Variants in JCAD observed in about 807,000 individuals in gnomAD.
JCAD encodes the protein junctional cadherin 5 associated, also known as junctional cadherin 5-associated protein.
Under a neutral mutation model 98.0 loss-of-function variants are expected in JCAD, and 40 were observed. The observed-to-expected ratio is 0.41, with a 90% CI of 0.32 to 0.53. The LOEUF is 0.53. Ranked by LOEUF, JCAD falls within the 20% of genes least tolerant of loss-of-function variation. JCAD has a pLI of 0.31. For synonymous variants in JCAD, 691 were observed against 682.3 expected, an observed-to-expected ratio of 1.01 and a Z score of -0.20; for missense variants, 1,705 against 1,738.1, an observed-to-expected ratio of 0.98 and a Z score of 0.34.
At chr10:30,107,290 G>A (rs187917325) in intron 1 of JCAD, among the ~76,000 whole-genome samples, 66 of 152,298 alleles carry the variant, frequency 4.3e-4, no homozygotes, top group Middle Eastern at 3.4e-3. Context: ...AACAGCATGA[G>A]GTAAAGAAGC....
At chr10:30,092,591 G>A (rs555689875) in intron 1 of JCAD, among the ~76,000 whole-genome samples, 33 of 152,252 alleles carry the variant, frequency 2.2e-4, no homozygotes, top group African/African-American at 7.7e-4. Flanking sequence ...CAGCCCACAC[G>A]ATGAGTCGCT....
chr10:30,023,970 C>G (rs1432639652), intron 3 of JCAD, among the ~76,000 whole-genome samples: 2 of 152,072 alleles, frequency 1.3e-5, no homozygotes, highest in Non-Finnish European at 2.9e-5. Flanking sequence ...TCAAGACCAA[C>G]CTGAGCAGTG....
Position 30,026,731 on chromosome 10 carries a change from C to T in JCAD, c.3417G>A (p.Arg1139=). 6.2e-7 allele frequency: 1 copy of T among 1,614,138 alleles called. No homozygotes were observed. The highest frequency in any genetic ancestry group is 1.1e-5 in the South Asian group (1 of 91,080). ...LSRPAPADVP[R]VSTDAFYGRR... ...TGCCATAAAAGGCATCAGTGGACAC[C>T]CTGGGGACATCTGCCGGTGCTGGGC... The change falls in exon 3 of 4, where the codon AGG becomes AGA. Residue 1139 remains arginine (R), a synonymous_variant. Transcript: ENST00000375377.
At chr10:30,024,849 C>T (rs1257340531) in intron 3 of JCAD, among the ~76,000 whole-genome samples, 1 of 151,972 alleles carries the variant, frequency 6.6e-6, no homozygotes, top group East Asian at 1.9e-4. Flanking sequence ...GCGCCCGCCG[C>T]CACGCCCAGC....
chr10:30,103,659 G>T (rs182587984), intron 1 of JCAD, among the ~76,000 whole-genome samples: 6 of 151,030 alleles, frequency 4.0e-5, no homozygotes, highest in Admixed American at 3.3e-4. Context: ...CAGTTCTTTT[G>T]ATCCCAAATA....
At chr10:30,103,623 CA>C (rs1588656726) in intron 1 of JCAD, among the ~76,000 whole-genome samples, 1 of 151,600 alleles carries the variant, frequency 6.6e-6, no homozygotes, top group Non-Finnish European at 1.5e-5. Flanking sequence ...TACACACACA[CA>C]CACACACCCA....
intron 1 of JCAD, 141 bp from the exon 2 acceptor site, chr10:30,048,012 G>C (rs1178481802): frequency 1.9e-6 from 1 of 536,458 alleles, no homozygotes; most frequent in Non-Finnish European, 3.3e-6. Context: ...AGGGGACACA[G>C]GGATGGCTCT....
intron 3 of JCAD, among the ~76,000 whole-genome samples, chr10:30,019,069 T>C (rs1309487362): frequency 6.6e-6 from 1 of 152,064 alleles, no homozygotes; most frequent in Non-Finnish European, 1.5e-5. Context: ...ATAAAGAAAT[T>C]ATATAGCCGG....
intron 1 of JCAD, among the ~76,000 whole-genome samples, chr10:30,107,287 T>C (rs1489497866): frequency 1.3e-5 from 2 of 152,092 alleles, no homozygotes; most frequent in Non-Finnish European, 2.9e-5. Context: ...TAAAACAGCA[T>C]GAGGTAAAGA....
At chr10:30,045,346 T>C (rs1837312714) in intron 2 of JCAD, among the ~76,000 whole-genome samples, 1 of 152,158 alleles carries the variant, frequency 6.6e-6, no homozygotes, top group Admixed American at 6.5e-5. Flanking sequence ...GCCCTGTCTT[T>C]ACTTCATTAG....
At chr10:30,084,055 G>A (rs569857390) in intron 1 of JCAD, among the ~76,000 whole-genome samples, 63 of 147,610 alleles carry the variant, frequency 4.3e-4, no homozygotes, top group African/African-American at 1.2e-3. Context: ...GGGAGAAATA[G>A]AAAGAAAAAG....
chr10:30,102,328 T>C (rs949379109), intron 1 of JCAD, among the ~76,000 whole-genome samples: 4 of 152,008 alleles, frequency 2.6e-5, no homozygotes, highest in Non-Finnish European at 4.4e-5. Context: ...CTTACCACCA[T>C]GTCCGGCTAA....
At position 30,017,760 on chromosome 10, in the gene JCAD, C is replaced by T. The variant is rs1277081906; in HGVS notation, c.*123G>A. The T allele has an allele frequency of 2.4e-6, 2 of 841,748 alleles. No individual in the cohort carries two copies. Among genetic ancestry groups the T allele is most frequent in the African/African-American group, 3.4e-5 (2 of 59,460 alleles). The allele number at this position is 841,748 out of a possible 1,614,324, so 52.1% of individuals were successfully genotyped here. A position where few individuals can be genotyped will look rare whatever the true frequency, so the allele number is the denominator to read the frequency against. The stretch of plus-strand genomic sequence containing the variant: ...TAGTGGCAGTGGTAAAGAATGTTAT[C>T]AGGATGCTAAAAACTCAGCAGCTTC... On this transcript the variant is annotated 3_prime_UTR_variant, in exon 4 of 4. Transcript: ENST00000375377.
chr10:30,081,404 G>A (rs1838082247), intron 1 of JCAD, among the ~76,000 whole-genome samples: 1 of 152,150 alleles, frequency 6.6e-6, no homozygotes, highest in African/African-American at 2.4e-5. Context: ...GGTAAGTGAA[G>A]GCGTAGAGCT....
chr10:30,073,283 G>A (rs1486708549), intron 1 of JCAD, among the ~76,000 whole-genome samples: 1 of 152,172 alleles, frequency 6.6e-6, no homozygotes, highest in Non-Finnish European at 1.5e-5. Context: ...CTTCTAAAAT[G>A]TCATATGATA....
chr10:30,015,477 T>C lies in JCAD; in HGVS notation c.*2406A>G, dbSNP rs1836514477. 6.6e-6 allele frequency: 1 copy of C among 152,230 alleles called. No homozygotes were observed. Among genetic ancestry groups the C allele is most frequent in the African/African-American group, 2.4e-5 (1 of 41,468 alleles). The allele number at this position is 152,230 out of a possible 1,614,324, so 9.4% of individuals were successfully genotyped here. A position where few individuals can be genotyped will look rare whatever the true frequency, so the allele number is the denominator to read the frequency against. The stretch of plus-strand genomic sequence containing the variant: ...AGTTACCTTCCCCCCAAAAAAGATT[T>C]ACATGTAGGCTTAAATTTAGAACAG... On this transcript the variant is annotated 3_prime_UTR_variant, in exon 4 of 4. Coordinates refer to ENST00000375377, the MANE Select transcript of JCAD (RefSeq NM_020848.4).
At chr10:30,094,866 C>T (rs1019144227) in intron 1 of JCAD, among the ~76,000 whole-genome samples, 3 of 152,148 alleles carry the variant, frequency 2.0e-5, no homozygotes, top group Admixed American at 1.3e-4. Context: ...GAGTCATTTC[C>T]CTTCTTTTCC....
At position 30,026,259 on chromosome 10, in the gene JCAD, C is replaced by G. The variant is rs568224574; in HGVS notation, c.3889G>C (p.Gly1297Arg). 1.9e-6 allele frequency: 3 copies of G among 1,613,826 alleles called. No individual in the cohort carries two copies. The highest frequency in any genetic ancestry group is 1.1e-5 in the South Asian group (1 of 91,092). The change falls in exon 3 of 4, where the codon GGG (glycine) becomes CGG (arginine). Residue 1297 changes from glycine to arginine, a missense_variant. Around this residue, in one of 3 missense-constraint regions of JCAD, gnomAD observed 1,278 missense variants for 1,243.1 expected, o/e 1.03. Transcript: ENST00000375377. The part of the protein sequence containing the change: ...ELKATTRGQA[G>R]LPGGLVSPGS... Reference sequence around the variant, plus strand: ...GGAGACACAAGGCCTCCCGGGAGCCCGGCCTGGCCCCTTGTGGTGGCCTTC... The same window carrying G: ...GGAGACACAAGGCCTCCCGGGAGCCGGGCCTGGCCCCTTGTGGTGGCCTTC...
chr10:30,039,737 T>C (rs1837203829), intron 2 of JCAD, among the ~76,000 whole-genome samples: 1 of 152,060 alleles, frequency 6.6e-6, no homozygotes, highest in African/African-American at 2.4e-5. Flanking sequence ...TGTTGGAACG[T>C]TGCCAGGAGA....
Sources: gnomAD v4.1 joint callset for allele counts (sites outside exome capture counted in the v4.1 genomes callset) on GRCh38, gnomAD v4.1.1 for gene constraint, gnomAD v4.1.1 regional missense constraint, MANE v1.5 for transcripts, NCBI Gene and HGNC (gene_info 2026-07-23, HGNC 2026-07-21) for gene names.